BACH1: variants seen among roughly 807,000 people sequenced by gnomAD.
BACH1 encodes BTB domain and CNC homolog 1.
In BACH1, 35 loss-of-function variants were observed where a neutral mutation model predicts 52.9. That is an observed-to-expected ratio of 0.66 (90% confidence interval 0.51 to 0.88). The LOEUF is 0.88. Among genes scored for constraint, BACH1 ranks in the 40% least tolerant of loss-of-function variants. BACH1 has a pLI of 0.00. For missense variants in BACH1, 808 were observed against 872.6 expected (o/e 0.93, Z 0.93); for synonymous variants, 321 against 319.6 (o/e 1.00, Z -0.05).
intron 1 of BACH1, among the ~76,000 whole-genome samples, chr21:29,301,100 A>G (rs1258334108): frequency 6.6e-6 from 1 of 152,174 alleles, no homozygotes; most frequent in Non-Finnish European, 1.5e-5. Flanking sequence ...ATTCCTATTA[A>G]TGGTAGTTCA....
chr21:29,321,169 T>C, intron 1 of BACH1, 52 bp from the exon 2 acceptor site: 1 of 956,242 alleles, frequency 1.0e-6, no homozygotes, highest in Non-Finnish European at 1.6e-6. Flanking sequence ...TTTGACACTG[T>C]CATTTTTTAA....
intron 2 of BACH1, among the ~76,000 whole-genome samples, chr21:29,355,585 G>T (rs1176134058): frequency 1.3e-5 from 2 of 152,192 alleles, no homozygotes; most frequent in Non-Finnish European, 2.9e-5. Context: ...TTCCAGAGGG[G>T]AACTCTCTAG....
rs1455618232 is a variant in BACH1, at chr21:29,327,127, T to G, written c.1303T>G (p.Cys435Gly). ...ACAGATCTCACAGAAACGGTCTGAG[T>G]GTCCGTGGTTAGGTATCAGGATTAG... is the stretch of plus-strand genomic sequence containing the variant. ...SEQISQKRSE[C>G]PWLGIRISES... Residue 435 changes from cysteine (C) to glycine (G), a missense_variant, in exon 3 of 5, where the codon TGT (cysteine) becomes GGT (glycine). Physicochemically the swap from Cys to Gly is radical, Grantham distance 159. Coordinates refer to ENST00000286800, the MANE Select transcript of BACH1 (RefSeq NM_001186.4). 1.9e-6 allele frequency: 3 copies of G among 1,614,180 alleles called. No homozygotes were observed. Among genetic ancestry groups the G allele is most frequent in the South Asian group, 2.2e-5 (2 of 91,084 alleles).
intron 1 of BACH1, among the ~76,000 whole-genome samples, chr21:29,301,658 T>C (rs2088605211): frequency 6.6e-6 from 1 of 152,234 alleles, no homozygotes; most frequent in Admixed American, 6.5e-5. Flanking sequence ...GTATGTGATC[T>C]GAAGTGCAGT....
At chr21:29,310,744 C>T (rs928711722) in intron 1 of BACH1, among the ~76,000 whole-genome samples, 1 of 152,208 alleles carries the variant, frequency 6.6e-6, no homozygotes, top group Non-Finnish European at 1.5e-5. Context: ...GAAGACTGAA[C>T]ATTTGCCATT....
At chr21:29,302,850 A>G (rs2088618504) in intron 1 of BACH1, among the ~76,000 whole-genome samples, 1 of 152,226 alleles carries the variant, frequency 6.6e-6, no homozygotes, top group African/African-American at 2.4e-5. Flanking sequence ...TCAAACATAC[A>G]TCCAACTTCT....
chr21:29,312,488 G>C (rs2088737158), intron 1 of BACH1, among the ~76,000 whole-genome samples: 1 of 152,174 alleles, frequency 6.6e-6, no homozygotes, highest in Non-Finnish European at 1.5e-5. Context: ...GTCTCTGTTT[G>C]CAGATGACAT....
chr21:29,356,536 T>C (rs1196112676), intron 2 of BACH1, among the ~76,000 whole-genome samples: 6 of 152,352 alleles, frequency 3.9e-5, no homozygotes, highest in African/African-American at 9.6e-5. Flanking sequence ...TTTTCCTTAG[T>C]AGTTGAGGAG....
intron 1 of BACH1, among the ~76,000 whole-genome samples, chr21:29,306,546 A>C (rs2123407236): frequency 6.6e-6 from 1 of 152,178 alleles, no homozygotes; most frequent in Middle Eastern, 3.4e-3. Context: ...ATGGATCGTG[A>C]TTCATCTTAG....
In BACH1 at chr21:29,360,074, T is replaced by C. The variant is rs138045955; in HGVS notation, c.472+30381T>C. ...AAACCTTTTGTCCCTTATCTACCTCTGACCTGGAATCCCTTACTTCGAGTT... is the reference window on the plus strand; with the variant it reads ...AAACCTTTTGTCCCTTATCTACCTCCGACCTGGAATCCCTTACTTCGAGTT... On this transcript the variant is annotated intron_variant, in intron 2 of 4. Coordinates refer to the BACH1 transcript ENST00000422809. 4.9e-4 allele frequency among the ~76,000 whole-genome samples: 75 copies of C among 152,328 alleles called. 1 individual carries two copies. The East Asian group carries it at 0.013, about 26-fold the overall frequency.
chr21:29,357,372 A>G (rs2089241169), intron 2 of BACH1, among the ~76,000 whole-genome samples: 1 of 152,224 alleles, frequency 6.6e-6, no homozygotes, highest in Non-Finnish European at 1.5e-5. Context: ...AGTCTGGACT[A>G]CAATTTGTTG....
Position 29,342,795 on chromosome 21 carries a change from T to G in BACH1, c.2173T>G (p.Cys725Gly). Residue 725 changes from cysteine (C) to glycine (G), a missense_variant, in exon 5 of 5, where the codon TGT becomes GGT. Coordinates refer to ENST00000286800, the MANE Select transcript of BACH1 (RefSeq NM_001186.4). The part of the protein sequence containing the change: ...CRQSGGISDF[C>G]QQMTDKCTTD... The stretch of plus-strand genomic sequence containing the variant: ...TCAGAGTGGTGGGATCTCAGATTTC[T>G]GTCAGCAGATGACTGATAAATGTAC... 6.2e-7 allele frequency: 1 copy of G among 1,609,466 alleles called. No homozygotes were observed. The highest frequency in any genetic ancestry group is 1.1e-5 in the South Asian group (1 of 90,986).
intron 4 of BACH1, among the ~76,000 whole-genome samples, chr21:29,334,475 G>A (rs559747605): frequency 6.6e-6 from 1 of 152,314 alleles, no homozygotes; most frequent in South Asian, 2.1e-4. Flanking sequence ...TCTTGTCTAT[G>A]TAGCTTTCTT....
intron 1 of BACH1, among the ~76,000 whole-genome samples, chr21:29,315,632 A>G (rs1174361205): frequency 6.6e-6 from 1 of 152,186 alleles, no homozygotes; most frequent in Non-Finnish European, 1.5e-5. Flanking sequence ...AACCACACAC[A>G]CACACACCCT....
intron 2 of BACH1, among the ~76,000 whole-genome samples, chr21:29,325,047 T>C (rs1042368205): frequency 6.6e-6 from 1 of 152,040 alleles, no homozygotes; most frequent in African/African-American, 2.4e-5. Context: ...GCTAACGTGG[T>C]GAAACCCCCG....
At chr21:29,359,454 T>C (rs1315164650) in intron 2 of BACH1, 1 of 150,492 alleles carries the variant, frequency 6.6e-6, no homozygotes, top group Non-Finnish European at 1.5e-5. Flanking sequence ...TTGAAGTCCA[T>C]CTGGGGTGAA....
intron 2 of BACH1, 129 bp downstream of exon 2, chr21:29,321,643 C>T (rs1200546865): frequency 1.4e-6 from 1 of 702,418 alleles, no homozygotes; most frequent in Non-Finnish European, 2.1e-6. Flanking sequence ...TCTGTGCAAC[C>T]CCTTTTTTTT....
intron 1 of BACH1, among the ~76,000 whole-genome samples, chr21:29,320,162 G>A (rs1454391994): frequency 6.6e-6 from 1 of 152,114 alleles, no homozygotes; most frequent in Admixed American, 6.5e-5. Flanking sequence ...CTCATTCACT[G>A]ACCATTTGAA....
rs548727029 is a variant in BACH1 at position 29,323,268 on chromosome 21, G to C, written c.234+1754G>C. Among the ~76,000 whole-genome samples, 119 of 152,276 alleles carry C rather than the reference G, an allele frequency of 7.8e-4. 1 individual carries two copies. Among genetic ancestry groups the C allele is most frequent in the African/African-American group, 2.7e-3 (113 of 41,542 alleles). ...TGGCTCACATGTTCACAAGGTGAAG[G>C]CCCATTATAGGCCACCTGCAAGCTG... is the stretch of plus-strand genomic sequence containing the variant. On this transcript the variant is annotated intron_variant, in intron 2 of 4. Coordinates refer to ENST00000286800, the MANE Select transcript of BACH1 (RefSeq NM_001186.4).
Sources: gnomAD v4.1 joint callset for allele counts (sites outside exome capture counted in the v4.1 genomes callset) on GRCh38, gnomAD v4.1.1 for gene constraint, MANE v1.5 for transcripts, NCBI Gene and HGNC (gene_info 2026-07-23, HGNC 2026-07-21) for gene names.